Variants in ADGRV1 observed in about 807,000 individuals in gnomAD.
ADGRV1 encodes the protein G-protein coupled receptor 98.
In ADGRV1, 359 loss-of-function variants were observed where a neutral mutation model predicts 596.2. The ratio of observed to expected loss-of-function variants is 0.60; its 90% CI spans 0.55 to 0.66. The LOEUF is 0.66. ADGRV1 is among the 30% of genes least tolerant of loss of function. ADGRV1 has a pLI of 0.00. For missense variants in ADGRV1, 7,274 were observed against 7,575.6 expected, an observed-to-expected ratio of 0.96 and a Z score of 1.48; for synonymous variants, 2,681 against 2,679.2, an observed-to-expected ratio of 1.00 and a Z score of -0.02.
At position 90,853,311 on chromosome 5, in the gene ADGRV1, A is replaced by T; in HGVS notation, c.17232A>T (p.Pro5744=). ...EKSKTILDSC[P]YLSILALHWY... ...GCAAAACCATCCTTGATAGTTGCCC[A>T]TATTTGTCAATATTGGCTCTTCACT... is the stretch of plus-strand genomic sequence containing the variant. The change falls in exon 80 of 90, where the codon CCA becomes CCT. Residue 5744 remains proline, a synonymous_variant. Coordinates refer to ENST00000405460, the MANE Select transcript of ADGRV1 (RefSeq NM_032119.4). The T allele has an allele frequency of 6.2e-7, 1 of 1,610,694 alleles. No homozygotes were observed. The highest frequency in any genetic ancestry group is 8.5e-7 in the Non-Finnish European group (1 of 1,177,738).
chr5:90,944,473 A>G lies in ADGRV1; in HGVS notation c.17857-20942A>G, dbSNP rs149683075. On this transcript the variant is annotated intron_variant, in intron 83 of 89. Transcript: ENST00000405460. ...TGCCTGGTTTTGAAGAGAGAATTAT[A>G]AAAGAGATAACCAAGGTTGTATATT... Among the ~76,000 whole-genome samples the G allele has an allele frequency of 2.0e-4, 31 of 152,344 alleles. No homozygotes were observed. The East Asian group carries it at 6.0e-3, about 29-fold the overall frequency.
intron 84 of ADGRV1, among the ~76,000 whole-genome samples, chr5:90,981,989 G>T (rs2151034118): frequency 6.6e-6 from 1 of 152,260 alleles, no homozygotes; most frequent in East Asian, 1.9e-4. Context: ...TTGAGAGGCT[G>T]AGGTGTCAGG....
At chr5:91,022,336 T>C (rs1445299421) in intron 85 of ADGRV1, among the ~76,000 whole-genome samples, 1 of 152,012 alleles carries the variant, frequency 6.6e-6, no homozygotes, top group African/African-American at 2.4e-5. Context: ...TAGGCTTAGG[T>C]CCATCCAACT....
chr5:90,981,322 G>T (rs908940467), intron 84 of ADGRV1, among the ~76,000 whole-genome samples: 5 of 152,170 alleles, frequency 3.3e-5, no homozygotes, highest in African/African-American at 1.2e-4. Context: ...AATCAGATAC[G>T]CATTTATCTC....
In ADGRV1 at chr5:90,783,203, C is replaced by T; in HGVS notation, c.13311C>T (p.Ile4437=). 1 of 1,613,628 alleles carries T rather than the reference C, an allele frequency of 6.2e-7. No homozygotes were observed. Among genetic ancestry groups the T allele is most frequent in the Non-Finnish European group, 8.5e-7 (1 of 1,179,596 alleles). Residue 4437 remains isoleucine, a synonymous_variant, in exon 66 of 90, where the codon ATC becomes ATT. Coordinates refer to ENST00000405460, the MANE Select transcript of ADGRV1 (RefSeq NM_032119.4). ...ATGGCTATGTGACAGCTGATTTCAT[C>T]TCTCAGAGCTCCTCTGCCAGTCCCG... is the stretch of plus-strand genomic sequence containing the variant. ...GTYGYVTADF[I]SQSSSASPGG... is the part of the protein sequence containing the mutation.
At chr5:90,576,514 T>C (rs531765257) in intron 1 of ADGRV1, among the ~76,000 whole-genome samples, 28 of 152,324 alleles carry the variant, frequency 1.8e-4, no homozygotes, top group Non-Finnish European at 2.9e-4. Context: ...AGTCTATCAC[T>C]GATGGACATT....
At chr5:90,627,917 G>GACACACACACACACACACACACAA in intron 7 of ADGRV1, 141 bp downstream of exon 7, 1 of 228,812 alleles carries the variant, frequency 4.4e-6, no homozygotes, top group African/African-American at 2.8e-5. Context: ...ACTCAGAAAA[G>GACACACACACACACACACACACAA]ACACACACAC....
chr5:90,621,272 GTATTGTATGTCATTTTCTTGGTACC>G (rs1764029075), intron 4 of ADGRV1, among the ~76,000 whole-genome samples: 1 of 152,116 alleles, frequency 6.6e-6, no homozygotes, highest in South Asian at 2.1e-4. Flanking sequence ...ACAATTGGTT[GTATTGTATGTCATTTTCTTGGTACC>G]TTAACTTATC....
intron 50 of ADGRV1, 114 bp downstream of exon 50, chr5:90,729,878 T>A (rs1752316278): frequency 9.1e-7 from 1 of 1,099,824 alleles, no homozygotes; most frequent in African/African-American, 1.6e-5. Context: ...GTATTTTTTT[T>A]TTTTTGGAGA....
chr5:91,122,661 G>T (rs139085921), intron 87 of ADGRV1, among the ~76,000 whole-genome samples: 1,690 of 152,270 alleles, frequency 0.011, 31 homozygotes, highest in African/African-American at 0.038. Context: ...AGGGTAGGCT[G>T]GCAAAATGTA....
intron 62 of ADGRV1, 66 bp from the exon 63 acceptor site, chr5:90,778,361 A>C (rs529779245): frequency 7.5e-7 from 1 of 1,328,076 alleles, no homozygotes; most frequent in African/African-American, 1.5e-5. Flanking sequence ...GTTATTATTT[A>C]GAGGTTAGGA....
chr5:91,074,034 C>T (rs1788624860), intron 86 of ADGRV1, among the ~76,000 whole-genome samples: 1 of 152,208 alleles, frequency 6.6e-6, no homozygotes, highest in South Asian at 2.1e-4. Flanking sequence ...TTAATCTTAA[C>T]TCCTTTAATA....
At chr5:90,672,220 A>T (rs1012841513) in intron 21 of ADGRV1, among the ~76,000 whole-genome samples, 4 of 152,244 alleles carry the variant, frequency 2.6e-5, no homozygotes, top group Admixed American at 1.3e-4. Context: ...AGGACTATGC[A>T]TTAAAAACTA....
intron 85 of ADGRV1, among the ~76,000 whole-genome samples, chr5:91,018,558 T>C (rs1212060481): frequency 1.3e-5 from 2 of 151,974 alleles, no homozygotes; most frequent in African/African-American, 4.8e-5. Flanking sequence ...AGAAGAAACT[T>C]GTAGGTCTTG....
intron 85 of ADGRV1, among the ~76,000 whole-genome samples, chr5:91,058,024 A>G (rs1351854878): frequency 6.6e-6 from 1 of 152,222 alleles, no homozygotes; most frequent in Non-Finnish European, 1.5e-5. Flanking sequence ...AAAGAATAAA[A>G]TGTTTCAGAC....
chr5:90,853,963 C>T, intron 80 of ADGRV1, 99 bp from the exon 81 acceptor site: 1 of 819,268 alleles, frequency 1.2e-6, no homozygotes, highest in Non-Finnish European at 2.0e-6. Flanking sequence ...AAACAAATGA[C>T]TGTAGCTACT....
intron 84 of ADGRV1, among the ~76,000 whole-genome samples, chr5:90,980,552 C>T (rs1381817791): frequency 1.3e-5 from 2 of 152,140 alleles, no homozygotes; most frequent in African/African-American, 4.8e-5. Flanking sequence ...TTATAAGATC[C>T]TTCTAACAAC....
chr5:90,881,133 A>G (rs1769725959), intron 83 of ADGRV1, among the ~76,000 whole-genome samples: 1 of 152,216 alleles, frequency 6.6e-6, no homozygotes, highest in Non-Finnish European at 1.5e-5. Context: ...TGTGCATCTC[A>G]TCTTTAGTTG....
chr5:90,634,487 T>G (rs1327481258), intron 9 of ADGRV1, among the ~76,000 whole-genome samples: 3 of 152,238 alleles, frequency 2.0e-5, no homozygotes, highest in African/African-American at 7.2e-5. Flanking sequence ...TGTTATACAT[T>G]GCAGTTCTTT....
Sources: gnomAD v4.1 joint callset for allele counts (sites outside exome capture counted in the v4.1 genomes callset) on GRCh38, gnomAD v4.1.1 for gene constraint, MANE v1.5 for transcripts, NCBI Gene and HGNC (gene_info 2026-07-23, HGNC 2026-07-21) for gene names.